The following PCDH15 variants were observed in gnomAD, a reference collection of about 807,000 sequenced individuals.
PCDH15 encodes protocadherin-15.
Under a neutral mutation model 178.5 loss-of-function variants are expected in PCDH15, and 129 were observed. The observed-to-expected ratio is 0.72, with a 90% confidence interval of 0.63 to 0.84. PCDH15 has a LOEUF of 0.84. PCDH15 is among the 40% of genes least tolerant of loss of function. The pLI is 0.00. For synonymous variants in PCDH15, 800 were observed against 732.0 expected (o/e 1.09, Z -1.50); for missense variants, 2,230 against 2,099.9 (o/e 1.06, Z -1.21).
chr10:54,425,169 T>A lies in PCDH15; in HGVS notation c.158-46227A>T, dbSNP rs114129755. 6.7e-3 allele frequency among the ~76,000 whole-genome samples: 1,024 copies of A among 152,258 alleles called. 10 individuals carry two copies. Among genetic ancestry groups the A allele is most frequent in the African/African-American group, 0.023 (972 of 41,554 alleles). On this transcript the variant is annotated intron_variant, in intron 3 of 37. Coordinates refer to ENST00000644397, the MANE Select transcript of PCDH15 (RefSeq NM_001384140.1). ...TGAATGCTCCCTCCAAAACTTATGT[T>A]GAAATTTAATCCAAAATAGGATAAT...
At chr10:55,523,733 C>T (rs184773780) in intron 2 of PCDH15, among the ~76,000 whole-genome samples, 21 of 151,590 alleles carry the variant, frequency 1.4e-4, no homozygotes, top group Admixed American at 4.6e-4. Flanking sequence ...ATATAGAAGG[C>T]GAATCATGAC....
At chr10:54,537,620 T>C (rs906804840) in intron 2 of PCDH15, among the ~76,000 whole-genome samples, 1 of 152,228 alleles carries the variant, frequency 6.6e-6, no homozygotes, top group African/African-American at 2.4e-5. Context: ...TGGTTCAATG[T>C]ATGCAATTCA....
At chr10:54,536,382 AT>A (rs3070741) in intron 2 of PCDH15, among the ~76,000 whole-genome samples, 11,000 of 148,968 alleles carry the variant, frequency 0.074, 401 homozygotes, top group Middle Eastern at 0.094. Flanking sequence ...AATGACTGTC[AT>A]TTTTTTTTTT....
chr10:54,450,213 A>G (rs1444687462), intron 3 of PCDH15, among the ~76,000 whole-genome samples: 1 of 149,228 alleles, frequency 6.7e-6, no homozygotes, highest in Admixed American at 6.8e-5. Context: ...TTACATATGC[A>G]TACATGTGCC....
At chr10:55,237,198 G>A (rs141281411) in intron 1 of PCDH15, among the ~76,000 whole-genome samples, 2 of 152,116 alleles carry the variant, frequency 1.3e-5, no homozygotes, top group Admixed American at 6.5e-5. Context: ...GGATGAAATC[G>A]GCTGCACAAT....
intron 15 of PCDH15, among the ~76,000 whole-genome samples, chr10:54,093,462 A>G (rs1331186520): frequency 1.3e-5 from 2 of 152,178 alleles, no homozygotes; most frequent in South Asian, 2.1e-4. Context: ...TGTATAGACA[A>G]TATCATCTTT....
chr10:54,547,586 T>C (rs1337660346), intron 2 of PCDH15, among the ~76,000 whole-genome samples: 1 of 152,184 alleles, frequency 6.6e-6, no homozygotes, highest in African/African-American at 2.4e-5. Context: ...ATTATGTTTT[T>C]AGGTTAATCC....
chr10:55,128,685 C>T lies in PCDH15; in HGVS notation c.-80+37891G>A, dbSNP rs143857847. Among the ~76,000 whole-genome samples the T allele has an allele frequency of 2.6e-3, 399 of 152,124 alleles. 2 individuals carry two copies. The highest frequency in any genetic ancestry group is 9.3e-3 in the African/African-American group (386 of 41,530). ...TTGCCTCACTCTGCCCTCCCTTAAA[C>T]TCTGTGTTCTCCATCCAATATTAAA... On this transcript the variant is annotated intron_variant, in intron 2 of 5. Transcript: ENST00000458638.
chr10:55,168,195 G>A (rs908298515), intron 1 of PCDH15, among the ~76,000 whole-genome samples: 2 of 152,116 alleles, frequency 1.3e-5, no homozygotes, highest in Non-Finnish European at 2.9e-5. Context: ...TGGATGAGGT[G>A]TGATGGGATC....
chr10:54,252,677 C>T (rs187161916), intron 8 of PCDH15, among the ~76,000 whole-genome samples: 3 of 152,166 alleles, frequency 2.0e-5, no homozygotes, highest in East Asian at 3.9e-4. Context: ...TAAATATCAA[C>T]GTTGTAAGTG....
At chr10:54,663,457 A>T (rs1193590453) in intron 2 of PCDH15, among the ~76,000 whole-genome samples, 1 of 148,652 alleles carries the variant, frequency 6.7e-6, no homozygotes, top group African/African-American at 2.4e-5. Context: ...AACATATTAT[A>T]TATATCCTAA....
intron 1 of PCDH15, among the ~76,000 whole-genome samples, chr10:55,243,432 A>G (rs1004606057): frequency 1.3e-5 from 2 of 152,224 alleles, no homozygotes; most frequent in Non-Finnish European, 2.9e-5. Flanking sequence ...GAATAACAAG[A>G]CCAGACTTTC....
chr10:53,963,821 T>C (rs2088641328), intron 21 of PCDH15, among the ~76,000 whole-genome samples: 1 of 152,144 alleles, frequency 6.6e-6, no homozygotes, highest in Non-Finnish European at 1.5e-5. Context: ...TGTCTTCTCA[T>C]ATCCTCTGTG....
intron 2 of PCDH15, among the ~76,000 whole-genome samples, chr10:55,622,130 TTATATATATTATATATATCTATAAA>T (rs1265936056): frequency 1.6e-5 from 1 of 60,876 alleles, no homozygotes; most frequent in Non-Finnish European, 3.5e-5. Flanking sequence ...AATATATATA[TTATATATATTATATATATCTATAAA>T]TATATATATT....
At chr10:55,596,405 T>G (rs1419876324) in intron 2 of PCDH15, among the ~76,000 whole-genome samples, 2 of 152,106 alleles carry the variant, frequency 1.3e-5, no homozygotes, top group Admixed American at 1.3e-4. Flanking sequence ...TTAGAAAAAT[T>G]GTAAAGTATT....
At chr10:55,401,576 C>T (rs1838068436) in intron 2 of PCDH15, among the ~76,000 whole-genome samples, 1 of 146,216 alleles carries the variant, frequency 6.8e-6, no homozygotes, top group African/African-American at 2.6e-5. Context: ...CACTTCTTTA[C>T]TGGACCAATT....
At chr10:55,508,901 G>C (rs529971058) in intron 2 of PCDH15, among the ~76,000 whole-genome samples, 2 of 151,636 alleles carry the variant, frequency 1.3e-5, no homozygotes, top group Non-Finnish European at 3.0e-5. Context: ...CATAAAGGTA[G>C]CTGAATATTA....
chr10:55,249,481 C>T (rs2132221704), intron 1 of PCDH15, among the ~76,000 whole-genome samples: 1 of 152,098 alleles, frequency 6.6e-6, no homozygotes, highest in African/African-American at 2.4e-5. Context: ...AAGACATTTA[C>T]AATACATGTA....
chr10:54,317,341 A>G lies in PCDH15; in HGVS notation c.806T>C (p.Val269Ala). 1 of 1,614,032 alleles carries G rather than the reference A, an allele frequency of 6.2e-7. No homozygotes were observed. Among genetic ancestry groups the G allele is most frequent in the African/African-American group, 1.3e-5 (1 of 75,048 alleles). ...DDLGPMFLPC[V>A]LVPNTRDCRP... ...GCAATCACGAGTGTTTGGCACAAGG[A>G]CACAAGGAAGAAACATTGGACCCAA... The change falls in exon 8 of 38, where the codon GTC becomes GCC. Residue 269 changes from valine to alanine, a missense_variant. Val to Ala is a moderately conservative substitution (Grantham distance 64, BLOSUM62 0). Coordinates refer to ENST00000644397, the MANE Select transcript of PCDH15 (RefSeq NM_001384140.1).
Sources: allele counts gnomAD v4.1 joint callset (sites outside exome capture counted in the v4.1 genomes callset), GRCh38; gene constraint gnomAD v4.1.1; transcripts MANE v1.5; gene names NCBI Gene and HGNC (gene_info 2026-07-23, HGNC 2026-07-21).